WASL: variants seen among roughly 807,000 people sequenced by gnomAD.
The protein encoded by WASL is WASP like actin nucleation promoting factor.
Under a neutral mutation model 55.5 loss-of-function variants are expected in WASL, and 20 were observed. The ratio of observed to expected loss-of-function variants is 0.36; its 90% CI spans 0.25 to 0.52. WASL has a LOEUF of 0.52. WASL is among the 20% of genes least tolerant of loss of function. The pLI is 0.92. For missense variants in WASL, 504 were observed against 622.5 expected, an observed-to-expected ratio of 0.81 and a Z score of 2.03; for synonymous variants, 249 against 217.6, an observed-to-expected ratio of 1.14 and a Z score of -1.27.
intron 1 of WASL, among the ~76,000 whole-genome samples, chr7:123,729,637 T>C (rs943702639): frequency 3.3e-5 from 5 of 152,186 alleles, no homozygotes; most frequent in African/African-American, 1.2e-4. Context: ...ATCTACAATG[T>C]AGCACTAAAA....
At chr7:123,738,158 C>T (rs145925340) in intron 1 of WASL, among the ~76,000 whole-genome samples, 1 of 133,004 alleles carries the variant, frequency 7.5e-6, no homozygotes, top group Admixed American at 7.7e-5. Context: ...ACTATTACAC[C>T]CATTAATAGA....
chr7:123,689,542 T>C (rs1185613698), intron 9 of WASL, among the ~76,000 whole-genome samples: 1 of 152,126 alleles, frequency 6.6e-6, no homozygotes, highest in African/African-American at 2.4e-5. Context: ...GACTCCAGAG[T>C]TGTTACGTGG....
rs527644641 is a variant in WASL at position 123,700,047 on chromosome 7, G to A, written c.461-3300C>T. On this transcript the variant is annotated intron_variant, in intron 5 of 10. Coordinates refer to ENST00000223023, the MANE Select transcript of WASL (RefSeq NM_003941.4). ...AAAAATTATCCGGGCATGGTGGCGCGCGCCTGTAGTCCCAGCTACACGGGA... is the reference window on the plus strand; with the variant it reads ...AAAAATTATCCGGGCATGGTGGCGCACGCCTGTAGTCCCAGCTACACGGGA... Among the ~76,000 whole-genome samples the A allele has an allele frequency of 6.0e-3, 903 of 151,384 alleles. 10 individuals carry two copies. Among genetic ancestry groups the A allele is most frequent in the Middle Eastern group, 0.048 (14 of 292 alleles).
At chr7:123,686,003 TG>T (rs1803281682) in intron 10 of WASL, among the ~76,000 whole-genome samples, 2 of 150,630 alleles carry the variant, frequency 1.3e-5, no homozygotes, top group South Asian at 4.2e-4. Context: ...GACATACGTG[TG>T]GGTTACATGT....
At chr7:123,684,737 A>G (rs1279341473) in intron 10 of WASL, among the ~76,000 whole-genome samples, 157 bp from the exon 11 acceptor site, 6 of 152,010 alleles carry the variant, frequency 3.9e-5, no homozygotes, top group Non-Finnish European at 8.8e-5. Context: ...ATCTAAAGAA[A>G]TATATCTATA....
chr7:123,739,914 G>GTGTGTA (rs1214094701), intron 1 of WASL, among the ~76,000 whole-genome samples: 4 of 33,034 alleles, frequency 1.2e-4, no homozygotes, highest in South Asian at 2.9e-3. Context: ...GTGTGTGTGT[G>GTGTGTA]TATATATATA....
intron 1 of WASL, among the ~76,000 whole-genome samples, chr7:123,713,090 TAACTA>T (rs1205823917): frequency 1.3e-5 from 2 of 152,028 alleles, no homozygotes; most frequent in African/African-American, 4.8e-5. Flanking sequence ...TATTTAATAA[TAACTA>T]AAATTATTTT....
chr7:123,739,895 TG>T (rs1195089135), intron 1 of WASL, among the ~76,000 whole-genome samples: 1 of 54,346 alleles, frequency 1.8e-5, no homozygotes, highest in Non-Finnish European at 3.3e-5. Context: ...TGTGTGTGTG[TG>T]TGTGTGTGTG....
chr7:123,689,006 G>GTCTCTCTC (rs3035629), intron 10 of WASL, 36 bp downstream of exon 10: 16 of 1,278,990 alleles, frequency 1.3e-5, no homozygotes, highest in African/African-American at 3.1e-5. Flanking sequence ...CACTCTCTCT[G>GTCTCTCTC]TCTCTCTCTC....
chr7:123,698,922 G>A (rs1803532953), intron 5 of WASL, among the ~76,000 whole-genome samples: 1 of 152,138 alleles, frequency 6.6e-6, no homozygotes, highest in Admixed American at 6.6e-5. Context: ...AGACTTATCT[G>A]GTGGTCTACT....
In WASL at chr7:123,692,774, C is replaced by T; in HGVS notation, c.920G>A (p.Arg307Lys). ...SGPPPPPARG[R>K]GAPPPPPSRA... ...TGAAGGTGGTGGGGGAGGAGCGCCT[C>T]TTCCCCTAGCAGGAGGAGGAGGAGG... Residue 307 changes from arginine to lysine, a missense_variant, in exon 9 of 11, where the codon AGA becomes AAA. This residue lies in a region of WASL where 201 missense variants were observed against 206.2 expected (regional missense o/e 0.97). Coordinates refer to ENST00000223023, the MANE Select transcript of WASL (RefSeq NM_003941.4). 1 of 1,475,436 alleles carries T rather than the reference C, an allele frequency of 6.8e-7. No individual in the cohort carries two copies. The highest frequency in any genetic ancestry group is 9.0e-7 in the Non-Finnish European group (1 of 1,113,702). 91.4% of individuals were successfully genotyped at this position (1,475,436 alleles called of 1,614,324 possible).
chr7:123,699,668 T>C (rs1341323932), intron 5 of WASL, among the ~76,000 whole-genome samples: 1 of 152,150 alleles, frequency 6.6e-6, no homozygotes, highest in African/African-American at 2.4e-5. Context: ...TATAACTCAC[T>C]AGAGAAAGTA....
chr7:123,736,682 AT>A (rs1194571913), intron 1 of WASL, among the ~76,000 whole-genome samples: 2 of 152,208 alleles, frequency 1.3e-5, no homozygotes, highest in Non-Finnish European at 2.9e-5. Context: ...TTCAAAAAAA[AT>A]GTTAAAGAAA....
At chr7:123,735,381 G>GAA (rs35321552) in intron 1 of WASL, among the ~76,000 whole-genome samples, 349 of 135,776 alleles carry the variant, frequency 2.6e-3, no homozygotes, top group South Asian at 6.3e-3. Context: ...AAAAATGCAG[G>GAA]AAAAAAAAAA....
chr7:123,711,622 T>C lies in WASL; in HGVS notation c.118-2399A>G, dbSNP rs537492548. Reference sequence around the variant, plus strand: ...ATGAGAATAACTGCTATACATTTAATACAGTATATTAATGCTAGACAATAT... The same window carrying C: ...ATGAGAATAACTGCTATACATTTAACACAGTATATTAATGCTAGACAATAT... On this transcript the variant is annotated intron_variant, in intron 1 of 10. Coordinates refer to ENST00000223023, the MANE Select transcript of WASL (RefSeq NM_003941.4). Among the ~76,000 whole-genome samples the C allele has an allele frequency of 2.6e-5, 4 of 152,302 alleles. No homozygotes were observed. In the South Asian group the frequency reaches 8.3e-4, roughly 32 times the overall value.
At chr7:123,721,044 C>T (rs970479716) in intron 1 of WASL, among the ~76,000 whole-genome samples, 1 of 152,086 alleles carries the variant, frequency 6.6e-6, no homozygotes. Flanking sequence ...TACTACAGTG[C>T]CTAGGGGCTT....
intron 9 of WASL, 31 bp from the exon 10 acceptor site, chr7:123,689,181 A>G (rs1584854710): frequency 1.3e-6 from 2 of 1,567,366 alleles, no homozygotes; most frequent in Non-Finnish European, 1.8e-6. Context: ...AAACTCAGTA[A>G]TAAATCTTTA....
At chr7:123,738,956 C>T (rs1804284258) in intron 1 of WASL, among the ~76,000 whole-genome samples, 1 of 152,070 alleles carries the variant, frequency 6.6e-6, no homozygotes, top group Non-Finnish European at 1.5e-5. Flanking sequence ...TGGATTGGGC[C>T]ACCTTCAAAG....
intron 1 of WASL, among the ~76,000 whole-genome samples, chr7:123,725,534 G>GT: frequency 6.6e-6 from 1 of 151,914 alleles, no homozygotes; most frequent in South Asian, 2.1e-4. Context: ...CTTGAAATAT[G>GT]TTTTTTTCCT....
Sources: gnomAD v4.1 joint callset for allele counts (sites outside exome capture counted in the v4.1 genomes callset) on GRCh38, gnomAD v4.1.1 for gene constraint, gnomAD v4.1.1 regional missense constraint, MANE v1.5 for transcripts, NCBI Gene and HGNC (gene_info 2026-07-23, HGNC 2026-07-21) for gene names.